The following RBMS3 variants were observed in gnomAD, a reference collection of about 807,000 sequenced individuals.
The protein encoded by RBMS3 is RNA-binding motif, single-stranded-interacting protein 3.
In RBMS3, 27 loss-of-function variants were observed where a neutral mutation model predicts 66.8. That is an observed-to-expected ratio of 0.40 (90% confidence interval 0.30 to 0.56). The LOEUF (loss-of-function observed/expected upper bound fraction) is 0.56, where lower values mean the gene tolerates loss of function less well. Ranked by LOEUF, RBMS3 falls within the 20% of genes least tolerant of loss-of-function variation. RBMS3 has a pLI of 0.40. For synonymous variants in RBMS3, 188 were observed against 183.0 expected (o/e 1.03, Z -0.22); for missense variants, 513 against 549.5 (o/e 0.93, Z 0.66).
At chr3:29,477,815 G>A (rs1575945569) in intron 2 of RBMS3, among the ~76,000 whole-genome samples, 1 of 151,982 alleles carries the variant, frequency 6.6e-6, no homozygotes, top group African/African-American at 2.4e-5. Flanking sequence ...ACCTAGGCTG[G>A]AGTGCAGTCG....
At chr3:29,522,198 T>C (rs1438261472) in intron 3 of RBMS3, among the ~76,000 whole-genome samples, 1 of 151,952 alleles carries the variant, frequency 6.6e-6, no homozygotes, top group Non-Finnish European at 1.5e-5. Flanking sequence ...TAGTTTTTTG[T>C]TTTGTTTTGT....
chr3:29,467,209 T>C (rs2042573594), intron 2 of RBMS3, among the ~76,000 whole-genome samples: 1 of 152,178 alleles, frequency 6.6e-6, no homozygotes, highest in Admixed American at 6.6e-5. Context: ...CTATAGATTA[T>C]GTGAACCTGT....
chr3:29,298,158 G>T (rs2033414113), intron 1 of RBMS3, among the ~76,000 whole-genome samples: 1 of 151,880 alleles, frequency 6.6e-6, no homozygotes, highest in South Asian at 2.1e-4. Flanking sequence ...GCATGTGGTA[G>T]GTGTTTAATA....
chr3:29,997,536 C>T (rs899002544), intron 14 of RBMS3, among the ~76,000 whole-genome samples: 5 of 150,232 alleles, frequency 3.3e-5, no homozygotes, highest in South Asian at 4.3e-4. Context: ...ACTGGCAAAA[C>T]GAATCCAGCA....
chr3:29,953,408 C>T (rs114283936), intron 12 of RBMS3, among the ~76,000 whole-genome samples: 4 of 151,810 alleles, frequency 2.6e-5, no homozygotes, highest in East Asian at 1.9e-4. Flanking sequence ...TGATAATCTT[C>T]GAAAATTGTT....
chr3:29,654,780 T>C (rs1271453949), intron 4 of RBMS3, among the ~76,000 whole-genome samples: 1 of 144,270 alleles, frequency 6.9e-6, no homozygotes, highest in Non-Finnish European at 1.5e-5. Context: ...TTTTTTTTTG[T>C]AGAGACAGAG....
At chr3:29,682,374 C>T (rs995091421) in intron 4 of RBMS3, among the ~76,000 whole-genome samples, 3 of 152,196 alleles carry the variant, frequency 2.0e-5, no homozygotes, top group Non-Finnish European at 4.4e-5. Context: ...AGGATGGTCT[C>T]CGTCTCCTGA....
At chr3:29,817,217 T>G (rs796603103) in intron 6 of RBMS3, among the ~76,000 whole-genome samples, 6 of 106,336 alleles carry the variant, frequency 5.6e-5, no homozygotes, top group Admixed American at 1.8e-4. Flanking sequence ...AGGCAAAGTC[T>G]CACTCTGTCA....
At chr3:29,720,116 T>TG (rs1559603517) in intron 4 of RBMS3, among the ~76,000 whole-genome samples, 10 of 145,398 alleles carry the variant, frequency 6.9e-5, no homozygotes, top group Non-Finnish European at 1.4e-4. Context: ...GCTAGCTCCC[T>TG]CTGTTGCACC....
chr3:29,679,356 C>T (rs2051389019), intron 4 of RBMS3, among the ~76,000 whole-genome samples: 1 of 152,032 alleles, frequency 6.6e-6, no homozygotes, highest in African/African-American at 2.4e-5. Context: ...ATTTTTGAGC[C>T]AATCTCTTAA....
At chr3:29,592,986 C>T (rs959031392) in intron 4 of RBMS3, among the ~76,000 whole-genome samples, 22 of 123,536 alleles carry the variant, frequency 1.8e-4, no homozygotes, top group Admixed American at 1.5e-3. Context: ...GGAAGGGGAA[C>T]ATCACACACT....
chr3:29,950,705 T>C lies in RBMS3; in HGVS notation c.1098+6451T>C, dbSNP rs565853490. The stretch of plus-strand genomic sequence containing the variant: ...AAAATTGGACATCCCTATTGAAATG[T>C]TTTCTCTCAGTTAAAATTTTAACAT... On this transcript the variant is annotated intron_variant, in intron 12 of 14. Coordinates refer to ENST00000383767, the MANE Select transcript of RBMS3 (RefSeq NM_001003793.3). Among the ~76,000 whole-genome samples, 5 of 151,958 alleles carry C rather than the reference T, an allele frequency of 3.3e-5. No homozygotes were observed. In the East Asian group the frequency reaches 9.7e-4, roughly 30 times the overall value.
intron 1 of RBMS3, among the ~76,000 whole-genome samples, chr3:29,283,490 T>C (rs1575462552): frequency 6.6e-6 from 1 of 151,170 alleles, no homozygotes; most frequent in Non-Finnish European, 1.5e-5. Flanking sequence ...AGATGGGGGG[T>C]AAAGAGAGAG....
chr3:29,747,435 T>C (rs1559631117), intron 5 of RBMS3, among the ~76,000 whole-genome samples: 3 of 148,304 alleles, frequency 2.0e-5, no homozygotes, highest in East Asian at 2.0e-4. Context: ...GATAGATAGA[T>C]AGATAGATAG....
chr3:29,335,806 T>C (rs1184599427), intron 1 of RBMS3, among the ~76,000 whole-genome samples: 1 of 152,178 alleles, frequency 6.6e-6, no homozygotes, highest in African/African-American at 2.4e-5. Context: ...TTTGTGAAGA[T>C]ATCTTTTTCT....
chr3:29,466,037 C>G (rs2125788509), intron 2 of RBMS3, among the ~76,000 whole-genome samples: 1 of 151,800 alleles, frequency 6.6e-6, no homozygotes, highest in African/African-American at 2.4e-5. Context: ...TGCAGGACCT[C>G]ACTCACTGCT....
At chr3:29,441,690 G>T (rs569828586) in intron 2 of RBMS3, among the ~76,000 whole-genome samples, 1 of 152,244 alleles carries the variant, frequency 6.6e-6, no homozygotes, top group Admixed American at 6.5e-5. Flanking sequence ...CAGAAAATAG[G>T]TTTGGACCTC....
intron 10 of RBMS3, 100 bp from the exon 11 acceptor site, chr3:29,935,986 A>C: frequency 1.0e-6 from 1 of 974,958 alleles, no homozygotes; most frequent in Non-Finnish European, 1.5e-6. Context: ...AAAAGTAAAA[A>C]CATTTGATGT....
intron 4 of RBMS3, among the ~76,000 whole-genome samples, chr3:29,647,481 G>C (rs2049966387): frequency 6.6e-6 from 1 of 152,182 alleles, no homozygotes; most frequent in Non-Finnish European, 1.5e-5. Context: ...ATGCCTAAAT[G>C]TTCCATTGTC....
Sources: gnomAD v4.1 joint callset for allele counts (sites outside exome capture counted in the v4.1 genomes callset) on GRCh38, gnomAD v4.1.1 for gene constraint, MANE v1.5 for transcripts, NCBI Gene and HGNC (gene_info 2026-07-23, HGNC 2026-07-21) for gene names.